Variants in MPP7 observed in about 807,000 individuals in gnomAD.
The protein encoded by MPP7 is MAGUK p55 scaffold protein 7.
In MPP7, 60 loss-of-function variants were observed where a neutral mutation model predicts 76.5. The observed-to-expected ratio is 0.78, with a 90% CI of 0.64 to 0.97. MPP7 has a LOEUF of 0.97. MPP7 is among the 50% of genes least tolerant of loss of function. The pLI is 0.00. For synonymous variants in MPP7, 237 were observed against 244.5 expected, an observed-to-expected ratio of 0.97 and a Z score of 0.29; for missense variants, 641 against 694.0, an observed-to-expected ratio of 0.92 and a Z score of 0.86.
chr10:28,088,946 G>A (rs1002054599), intron 12 of MPP7, among the ~76,000 whole-genome samples: 9 of 152,234 alleles, frequency 5.9e-5, no homozygotes, highest in African/African-American at 2.2e-4. Context: ...CGCGATCTTG[G>A]CTCACTGCAA....
chr10:28,333,171 G>A lies in MPP7; in HGVS notation c.-206+1247C>T, dbSNP rs115880534. ...ATTTATTTATTTTTTAAGACAGAGA[G>A]TGTCACTCTGTTGCCCAGGCTGGAG... On this transcript the variant is annotated intron_variant, in intron 1 of 11. Transcript: ENST00000441595. Among the ~76,000 whole-genome samples the A allele has an allele frequency of 4.8e-3, 731 of 152,286 alleles. 7 individuals are homozygous for A. Among genetic ancestry groups the A allele is most frequent in the African/African-American group, 0.017 (695 of 41,546 alleles).
chr10:28,146,370 T>C (rs574064976), intron 5 of MPP7, among the ~76,000 whole-genome samples: 1 of 151,932 alleles, frequency 6.6e-6, no homozygotes, highest in African/African-American at 2.4e-5. Context: ...GGGATTAGGG[T>C]TTATAGTCCA....
chr10:28,145,126 G>A (rs903623395), intron 5 of MPP7, among the ~76,000 whole-genome samples: 3 of 152,076 alleles, frequency 2.0e-5, no homozygotes, highest in Non-Finnish European at 4.4e-5. Context: ...AGTTGGCCAG[G>A]CTGGTCTCGA....
chr10:28,110,948 C>A (rs764670870), intron 11 of MPP7, among the ~76,000 whole-genome samples: 2 of 152,090 alleles, frequency 1.3e-5, no homozygotes, highest in Non-Finnish European at 2.9e-5. Context: ...CTTTCTAAAA[C>A]AAAGTGCAAC....
At chr10:28,123,099 T>C (rs989193910) in intron 8 of MPP7, among the ~76,000 whole-genome samples, 1 of 152,192 alleles carries the variant, frequency 6.6e-6, no homozygotes, top group African/African-American at 2.4e-5. Flanking sequence ...CCCACTGATT[T>C]AAAATGCCAC....
intron 11 of MPP7, chr10:28,118,655 T>C: frequency 2.0e-6 from 2 of 985,246 alleles, no homozygotes; most frequent in African/African-American, 1.7e-5. Flanking sequence ...GTGACAAGGG[T>C]TTTTTTCCTT....
intron 3 of MPP7, among the ~76,000 whole-genome samples, chr10:28,198,548 C>A (rs1726281332): frequency 6.6e-6 from 1 of 150,724 alleles, no homozygotes; most frequent in Non-Finnish European, 1.5e-5. Context: ...ACACTCCAGC[C>A]TGGGCAACAG....
At chr10:28,058,711 T>C (rs1464014539) in intron 14 of MPP7, 108 bp from the exon 15 acceptor site, 1 of 533,840 alleles carries the variant, frequency 1.9e-6, no homozygotes, top group East Asian at 3.0e-5. Flanking sequence ...GTAATTTTTT[T>C]AAACTGTGTT....
At chr10:28,155,837 A>C (rs1836043907) in intron 3 of MPP7, among the ~76,000 whole-genome samples, 1 of 152,138 alleles carries the variant, frequency 6.6e-6, no homozygotes, top group Admixed American at 6.5e-5. Flanking sequence ...GGGGTTCCTC[A>C]GGTTTCCCTT....
intron 1 of MPP7, among the ~76,000 whole-genome samples, chr10:28,285,204 G>A (rs535212785): frequency 6.6e-6 from 1 of 152,056 alleles, no homozygotes; most frequent in East Asian, 1.9e-4. Flanking sequence ...CTTTTTTTGA[G>A]ATGAAGTTTC....
At chr10:28,214,780 T>A (rs2134034573) in intron 2 of MPP7, among the ~76,000 whole-genome samples, 1 of 152,302 alleles carries the variant, frequency 6.6e-6, no homozygotes, top group East Asian at 1.9e-4. Context: ...AATAGCCCTT[T>A]CCCAGAAAGA....
At chr10:28,105,555 T>G (rs995678029) in intron 11 of MPP7, among the ~76,000 whole-genome samples, 3 of 152,202 alleles carry the variant, frequency 2.0e-5, no homozygotes, top group African/African-American at 7.2e-5. Flanking sequence ...TCACCCAGGC[T>G]GGAATGCAAT....
intron 11 of MPP7, among the ~76,000 whole-genome samples, chr10:28,117,807 T>C (rs981419693): frequency 2.0e-5 from 3 of 152,114 alleles, no homozygotes; most frequent in African/African-American, 7.2e-5. Flanking sequence ...AACAAGTCCA[T>C]ATCTGTTATA....
chr10:28,222,565 C>A (rs1838546518), intron 2 of MPP7, among the ~76,000 whole-genome samples: 1 of 151,728 alleles, frequency 6.6e-6, no homozygotes, highest in Admixed American at 6.6e-5. Context: ...ATTTTTAAAA[C>A]CTAGTGATGG....
At chr10:28,318,711 T>C (rs1424128562) in intron 2 of MPP7, among the ~76,000 whole-genome samples, 1 of 151,944 alleles carries the variant, frequency 6.6e-6, no homozygotes, top group Admixed American at 6.6e-5. Flanking sequence ...AGAAAAGCAA[T>C]AGGATTATTC....
rs191237184 is a variant in MPP7 at position 28,150,110 on chromosome 10, G to T, written c.157-51C>A. The T allele has an allele frequency of 9.1e-5, 115 of 1,261,572 alleles. No homozygotes were observed. The African/African-American group carries it at 1.5e-3, about 16-fold the overall frequency. The allele number at this position is 1,261,572 out of a possible 1,614,324, so 78.1% of individuals were successfully genotyped here. On this transcript the variant is annotated intron_variant, in intron 3 of 16. Coordinates refer to ENST00000683449, the MANE Select transcript of MPP7 (RefSeq NM_001318170.2). Reference sequence around the variant, plus strand: ...GTTCACCTGCTAGCAAACAATCTCAGATAGCTGCACATTTTTATACTTGAA... The same window carrying T: ...GTTCACCTGCTAGCAAACAATCTCATATAGCTGCACATTTTTATACTTGAA...
rs1245129452 is a variant in MPP7, at chr10:28,120,233, G to GGGTT, written c.844_847dup (p.Pro283GlnfsTer40). 3.7e-6 allele frequency: 6 copies of GGGTT among 1,613,832 alleles called. No individual in the cohort carries two copies. Among genetic ancestry groups the GGGTT allele is most frequent in the Admixed American group, 1.7e-5 (1 of 59,968 alleles). ...CTTTGAGGGGATCAAGCCTGCCCTG[G>GGGTT]GGTTGGCATCAGCTTCGTGTTTCGC... is the stretch of plus-strand genomic sequence containing the variant. On this transcript the variant is annotated frameshift_variant, in exon 10 of 17. Transcript: ENST00000683449. LOFTEE classifies it high-confidence loss of function.
intron 6 of MPP7, among the ~76,000 whole-genome samples, chr10:28,128,612 T>C (rs1835092977): frequency 6.6e-6 from 1 of 152,178 alleles, no homozygotes; most frequent in Non-Finnish European, 1.5e-5. Flanking sequence ...GGATTAAAGA[T>C]AGGCTCAACT....
intron 1 of MPP7, among the ~76,000 whole-genome samples, chr10:28,239,532 T>C (rs892625881): frequency 2.0e-5 from 3 of 152,188 alleles, no homozygotes; most frequent in African/African-American, 7.2e-5. Context: ...TGAAGGAATA[T>C]TTACTAGAAT....
Sources: gnomAD v4.1 joint callset for allele counts (sites outside exome capture counted in the v4.1 genomes callset) on GRCh38, gnomAD v4.1.1 for gene constraint, MANE v1.5 for transcripts, NCBI Gene and HGNC (gene_info 2026-07-23, HGNC 2026-07-21) for gene names.